The following ABCC4 variants were observed in gnomAD, a reference collection of about 807,000 sequenced individuals.
ABCC4 encodes the protein ATP binding cassette subfamily C member 4 (PEL blood group).
A neutral mutation model predicts 168.5 loss-of-function variants in ABCC4; 102 were observed. The ratio of observed to expected loss-of-function variants is 0.61; its 90% confidence interval spans 0.52 to 0.71. The LOEUF (loss-of-function observed/expected upper bound fraction) is 0.71. ABCC4 is among the 30% of genes least tolerant of loss of function. The pLI is 0.00. For missense variants in ABCC4, 1,402 were observed against 1,605.8 expected, an observed-to-expected ratio of 0.87 and a Z score of 2.17; for synonymous variants, 617 against 590.7, an observed-to-expected ratio of 1.04 and a Z score of -0.65.
chr13:95,269,852 T>C (rs1288787803), intron 1 of ABCC4, among the ~76,000 whole-genome samples: 3 of 151,972 alleles, frequency 2.0e-5, no homozygotes, highest in Non-Finnish European at 4.4e-5. Flanking sequence ...AAGAAAAGAA[T>C]AGAGAAAAGA....
chr13:95,285,754 A>T (rs555079783), intron 1 of ABCC4, among the ~76,000 whole-genome samples: 6 of 152,262 alleles, frequency 3.9e-5, no homozygotes, highest in African/African-American at 1.4e-4. Flanking sequence ...TCCAGGAACA[A>T]TGGATATCTG....
At chr13:95,204,103 G>C (rs2038713248) in intron 8 of ABCC4, among the ~76,000 whole-genome samples, 1 of 152,098 alleles carries the variant, frequency 6.6e-6, no homozygotes, top group Non-Finnish European at 1.5e-5. Context: ...CTTAAATCAA[G>C]GACAGAAGGG....
At chr13:95,127,170 G>T (rs142652819) in intron 19 of ABCC4, among the ~76,000 whole-genome samples, 2 of 151,910 alleles carry the variant, frequency 1.3e-5, no homozygotes, top group African/African-American at 4.8e-5. Flanking sequence ...ATTTCTAAAC[G>T]CAGCAGCCAG....
intron 3 of ABCC4, among the ~76,000 whole-genome samples, chr13:95,236,709 T>C (rs1484323972): frequency 6.6e-6 from 1 of 152,144 alleles, no homozygotes; most frequent in Non-Finnish European, 1.5e-5. Flanking sequence ...AAATACCATT[T>C]AGTTGAAGAA....
At chr13:95,290,689 G>C (rs1202561443) in intron 1 of ABCC4, among the ~76,000 whole-genome samples, 4 of 83,752 alleles carry the variant, frequency 4.8e-5, no homozygotes, top group Non-Finnish European at 8.4e-5. Context: ...TGGGCAACAA[G>C]AGCAAAACTC....
At chr13:95,090,650 C>T (rs1251188815) in intron 20 of ABCC4, among the ~76,000 whole-genome samples, 4 of 152,166 alleles carry the variant, frequency 2.6e-5, no homozygotes, top group Non-Finnish European at 5.9e-5. Flanking sequence ...CAAGACCTTC[C>T]CTCTGACAGA....
At chr13:95,057,586 T>C (rs1478941767) in intron 26 of ABCC4, among the ~76,000 whole-genome samples, 1 of 152,196 alleles carries the variant, frequency 6.6e-6, no homozygotes, top group Non-Finnish European at 1.5e-5. Context: ...TGACTATGTA[T>C]GTCATCATTT....
intron 1 of ABCC4, among the ~76,000 whole-genome samples, chr13:95,265,083 G>T (rs534192153): frequency 2.3e-4 from 35 of 152,100 alleles, no homozygotes; most frequent in African/African-American, 8.0e-4. Flanking sequence ...TGGCCAGGCT[G>T]GTCTCGAACT....
chr13:95,177,685 C>T (rs2037751742), intron 13 of ABCC4, 22 bp downstream of exon 13: 1 of 1,591,730 alleles, frequency 6.3e-7, no homozygotes, highest in African/African-American at 1.3e-5. Flanking sequence ...GCAGAAATGA[C>T]TTAAGACACA....
intron 1 of ABCC4, among the ~76,000 whole-genome samples, chr13:95,293,621 C>A (rs979124250): frequency 7.3e-5 from 11 of 151,392 alleles, no homozygotes; most frequent in African/African-American, 2.7e-4. Flanking sequence ...TGCATGCCAC[C>A]ACGCCCAGCT....
At chr13:95,271,247 G>A (rs1379243748) in intron 1 of ABCC4, among the ~76,000 whole-genome samples, 2 of 152,164 alleles carry the variant, frequency 1.3e-5, no homozygotes, top group African/African-American at 4.8e-5. Flanking sequence ...AATGAATACA[G>A]AGACAGCTGC....
intron 19 of ABCC4, among the ~76,000 whole-genome samples, chr13:95,132,733 C>G (rs1004998271): frequency 6.6e-6 from 1 of 152,062 alleles, no homozygotes; most frequent in Non-Finnish European, 1.5e-5. Context: ...TATTATTCAG[C>G]TTTAAGATGG....
chr13:95,244,938 A>C (rs1387898552), intron 3 of ABCC4, among the ~76,000 whole-genome samples: 1 of 151,892 alleles, frequency 6.6e-6, no homozygotes, highest in African/African-American at 2.4e-5. Context: ...CTGTACCCAT[A>C]TTAAAGCTCC....
intron 3 of ABCC4, among the ~76,000 whole-genome samples, chr13:95,240,061 GA>G (rs2039887585): frequency 6.6e-6 from 1 of 152,216 alleles, no homozygotes; most frequent in African/African-American, 2.4e-5. Flanking sequence ...GAGGAGGGGG[GA>G]AAATAAAACC....
At chr13:95,237,384 A>G (rs1227893991) in intron 3 of ABCC4, among the ~76,000 whole-genome samples, 2 of 152,204 alleles carry the variant, frequency 1.3e-5, no homozygotes, top group Non-Finnish European at 2.9e-5. Context: ...AAACTTTCTA[A>G]ATATCAGTAC....
At chr13:95,025,067 T>A (rs2031328615) in intron 30 of ABCC4, among the ~76,000 whole-genome samples, 1 of 151,880 alleles carries the variant, frequency 6.6e-6, no homozygotes, top group Non-Finnish European at 1.5e-5. Flanking sequence ...TTGACTGACC[T>A]ATGTACATTG....
chr13:95,064,252 GTGTGTGTGTA>G lies in ABCC4; in HGVS notation c.3211-1403_3211-1394del, dbSNP rs1445319490. Among the ~76,000 whole-genome samples the G allele has an allele frequency of 9.0e-4, 106 of 118,162 alleles. 3 individuals are homozygous for G. Among genetic ancestry groups the G allele is most frequent in the African/African-American group, 1.1e-3 (35 of 30,558 alleles). The allele number at this position is 118,162 out of a possible 152,430, so 77.5% of individuals were successfully genotyped here. A position where few individuals can be genotyped will look rare whatever the true frequency, so the allele number is the denominator to read the frequency against. On this transcript the variant is annotated intron_variant, in intron 25 of 30. Transcript: ENST00000645237. ...TGCACATAGGTACATCCGGGTGTGT[GTGTGTGTGTA>G]TATATATATATATATATATATATAT...
chr13:95,039,426 A>T (rs541761959), intron 29 of ABCC4, among the ~76,000 whole-genome samples: 1 of 152,344 alleles, frequency 6.6e-6, no homozygotes, highest in South Asian at 2.1e-4. Flanking sequence ...AAAAAAGGGC[A>T]TAATCTTGAA....
rs879158033 is a variant in ABCC4, at chr13:95,246,842, C to T, written c.306+133G>A. 34 of 1,046,020 alleles carry T rather than the reference C, an allele frequency of 3.3e-5. 1 individual carries two copies. The South Asian group carries it at 4.9e-4, about 15-fold the overall frequency. 64.8% of individuals were successfully genotyped at this position (1,046,020 alleles called of 1,614,324 possible). ...TTCCTAGACATGTTTAATCCTTAGACCTTAAAATACCTTCAAACCCCATCT... is the reference window on the plus strand; with the variant it reads ...TTCCTAGACATGTTTAATCCTTAGATCTTAAAATACCTTCAAACCCCATCT... On this transcript the variant is annotated intron_variant, in intron 3 of 30. Transcript: ENST00000645237.
Sources: allele counts gnomAD v4.1 joint callset (sites outside exome capture counted in the v4.1 genomes callset), GRCh38; gene constraint gnomAD v4.1.1; transcripts MANE v1.5; gene names NCBI Gene and HGNC (gene_info 2026-07-23, HGNC 2026-07-21).